The following CNTLN variants were observed in gnomAD, a reference collection of about 807,000 sequenced individuals.
CNTLN encodes centlein.
CNTLN carries 212 observed loss-of-function variants against 180.0 expected under a neutral mutation model. That is an observed-to-expected ratio of 1.18 (90% CI 1.05 to 1.32). The LOEUF is 1.32. Among genes scored for constraint, CNTLN ranks in the 40% most tolerant of loss-of-function variants. The probability of loss-of-function intolerance (pLI) is 0.00; values close to 1 mark genes in which losing one functional copy is unlikely to be tolerated. For missense variants in CNTLN, 2,095 were observed against 1,610.9 expected (o/e 1.30, Z -5.14); for synonymous variants, 722 against 563.1 (o/e 1.28, Z -3.99).
At position 17,135,124 on chromosome 9, in the gene CNTLN, C is replaced by A; in HGVS notation, c.59C>A (p.Pro20His). 1 of 1,606,962 alleles carries A rather than the reference C, an allele frequency of 6.2e-7. No individual in the cohort carries two copies. The highest frequency in any genetic ancestry group is 8.5e-7 in the Non-Finnish European group (1 of 1,177,910). Reference sequence around the variant, plus strand: ...TCGCCCCCAGCGCGACAGCTGGGCCCCAGGTCCCCACGTGTTGGGCGGGGA... The same window carrying A: ...TCGCCCCCAGCGCGACAGCTGGGCCACAGGTCCCCACGTGTTGGGCGGGGA... ...HPSPPARQLG[P>H]RSPRVGRGAE... Residue 20 changes from proline to histidine, a missense_variant, in exon 1 of 26, where the codon CCC (proline) becomes CAC (histidine). Coordinates refer to ENST00000380647, the MANE Select transcript of CNTLN (RefSeq NM_017738.4).
chr9:17,186,291 C>G (rs1292036809), intron 2 of CNTLN, among the ~76,000 whole-genome samples: 2 of 151,986 alleles, frequency 1.3e-5, no homozygotes, highest in African/African-American at 4.8e-5. Context: ...CTGTTCAGTG[C>G]TTTTTTAGAG....
At chr9:17,432,939 T>C (rs1392446773) in intron 18 of CNTLN, among the ~76,000 whole-genome samples, 1 of 148,248 alleles carries the variant, frequency 6.7e-6, no homozygotes. Context: ...GAGAATAGCT[T>C]GAGCCCAGGA....
At chr9:17,429,238 A>T (rs552189269) in intron 18 of CNTLN, among the ~76,000 whole-genome samples, 1 of 152,154 alleles carries the variant, frequency 6.6e-6, no homozygotes, top group South Asian at 2.1e-4. Flanking sequence ...TTATCTCAAC[A>T]ATGCTAATAT....
In CNTLN at chr9:17,436,905, A is replaced by G. The variant is rs116881602; in HGVS notation, c.3115-20619A>G. Among the ~76,000 whole-genome samples the G allele has an allele frequency of 2.8e-3, 423 of 152,268 alleles. 1 individual carries two copies. Among genetic ancestry groups the G allele is most frequent in the Non-Finnish European group, 4.5e-3 (304 of 68,022 alleles). ...CAGAGTTTTCTTTTACCTTACCCCAATAGTTTGTGTAGTACACATTCCTTG... is the reference window on the plus strand; with the variant it reads ...CAGAGTTTTCTTTTACCTTACCCCAGTAGTTTGTGTAGTACACATTCCTTG... On this transcript the variant is annotated intron_variant, in intron 18 of 25. Coordinates refer to ENST00000380647, the MANE Select transcript of CNTLN (RefSeq NM_017738.4).
At chr9:17,455,768 A>C (rs1386194747) in intron 18 of CNTLN, among the ~76,000 whole-genome samples, 1 of 149,094 alleles carries the variant, frequency 6.7e-6, no homozygotes, top group Non-Finnish European at 1.5e-5. Context: ...GGGGAATGGC[A>C]GGCAGGTTTG....
chr9:17,500,664 C>A (rs1040964028), intron 25 of CNTLN, among the ~76,000 whole-genome samples: 11 of 152,104 alleles, frequency 7.2e-5, no homozygotes, highest in Non-Finnish European at 1.5e-4. Context: ...TGGTTTGTTT[C>A]CCAAATGTAT....
intron 15 of CNTLN, among the ~76,000 whole-genome samples, chr9:17,403,255 A>G (rs2133798747): frequency 6.6e-6 from 1 of 151,888 alleles, no homozygotes; most frequent in South Asian, 2.1e-4. Flanking sequence ...GGGCTTGCTT[A>G]ATGGGTTCAT....
In CNTLN at chr9:17,437,130, CTG is replaced by C. The variant is rs913886381; in HGVS notation, c.3115-20391_3115-20390del. 3.3e-4 allele frequency among the ~76,000 whole-genome samples: 50 copies of C among 152,310 alleles called. 1 individual carries two copies. Among genetic ancestry groups the C allele is most frequent in the Admixed American group, 2.9e-3 (45 of 15,296 alleles). On this transcript the variant is annotated intron_variant, in intron 18 of 25. Transcript: ENST00000380647. Reference sequence around the variant, plus strand: ...ACTCGGATCATGTTCGCAAGGCAAACTGTGCAAAACCCAGGATCAGAGCTGAG... The same window carrying C: ...ACTCGGATCATGTTCGCAAGGCAAACTGCAAAACCCAGGATCAGAGCTGAG...
intron 2 of CNTLN, among the ~76,000 whole-genome samples, chr9:17,191,166 C>G (rs190957574): frequency 1.3e-5 from 2 of 152,150 alleles, no homozygotes; most frequent in Admixed American, 6.5e-5. Context: ...GATATGTGAG[C>G]CTTTTGGATA....
intron 18 of CNTLN, among the ~76,000 whole-genome samples, chr9:17,418,119 A>G (rs1828408907): frequency 6.6e-6 from 1 of 151,912 alleles, no homozygotes; most frequent in Non-Finnish European, 1.5e-5. Context: ...ATGTAATTTT[A>G]TTTTTTAATA....
chr9:17,453,667 C>A (rs1165873795), intron 18 of CNTLN, among the ~76,000 whole-genome samples: 1 of 152,162 alleles, frequency 6.6e-6, no homozygotes, highest in Non-Finnish European at 1.5e-5. Context: ...GGCAAGGTTG[C>A]AATCAGTGTG....
At chr9:17,188,380 C>A (rs961167401) in intron 2 of CNTLN, among the ~76,000 whole-genome samples, 38 of 152,040 alleles carry the variant, frequency 2.5e-4, no homozygotes, top group African/African-American at 8.9e-4. Context: ...AGATAGTTTT[C>A]AAAAACTATG....
At chr9:17,448,427 A>T (rs1830579382) in intron 18 of CNTLN, 1 of 152,198 alleles carries the variant, frequency 6.6e-6, no homozygotes, top group African/African-American at 2.4e-5. Context: ...TGTTTTTAAG[A>T]ATTTCCTGTT....
chr9:17,220,019 A>G (rs913709461), intron 2 of CNTLN, among the ~76,000 whole-genome samples: 2 of 152,054 alleles, frequency 1.3e-5, no homozygotes, highest in African/African-American at 4.8e-5. Flanking sequence ...GCCTCAATAT[A>G]TGAATTTTGA....
At chr9:17,519,664 C>T in the CNTLN span, among the ~76,000 whole-genome samples, 13 of 152,060 alleles carry the variant, frequency 8.5e-5, no homozygotes, top group East Asian at 1.7e-3. Flanking sequence ...ACTCCATCAC[C>T]GATGAAAAAT....
intron 6 of CNTLN, among the ~76,000 whole-genome samples, chr9:17,296,784 A>G (rs542589333): frequency 1.4e-3 from 214 of 152,192 alleles, no homozygotes; most frequent in Non-Finnish European, 2.3e-3. Flanking sequence ...GTTACAGGAA[A>G]ATTGTGTATA....
chr9:17,521,191 C>T, the CNTLN span, among the ~76,000 whole-genome samples: 1 of 150,696 alleles, frequency 6.6e-6, no homozygotes, highest in East Asian at 2.0e-4. Flanking sequence ...GATTCCCAAA[C>T]CTTCAGGGTT....
intron 7 of CNTLN, among the ~76,000 whole-genome samples, chr9:17,305,561 G>T (rs1349399792): frequency 6.6e-6 from 1 of 151,292 alleles, no homozygotes; most frequent in Non-Finnish European, 1.5e-5. Flanking sequence ...AATGGAATGA[G>T]AATAAGATGG....
chr9:17,360,462 A>C (rs540787059), intron 12 of CNTLN, among the ~76,000 whole-genome samples: 2 of 152,174 alleles, frequency 1.3e-5, no homozygotes, highest in African/African-American at 4.8e-5. Flanking sequence ...TTTTGATTGA[A>C]GACAGGCTAG....
Sources: gnomAD v4.1 joint callset for allele counts (sites outside exome capture counted in the v4.1 genomes callset) on GRCh38, gnomAD v4.1.1 for gene constraint, MANE v1.5 for transcripts, NCBI Gene and HGNC (gene_info 2026-07-23, HGNC 2026-07-21) for gene names.